Variants in FBXO46 observed in about 807,000 individuals in gnomAD.
FBXO46 encodes the protein F-box protein 46.
A neutral mutation model predicts 30.7 loss-of-function variants in FBXO46; 13 were observed. That is an observed-to-expected ratio of 0.42 (90% CI 0.28 to 0.67). FBXO46 has a LOEUF of 0.67. Among genes scored for constraint, FBXO46 ranks in the 30% least tolerant of loss-of-function variants. The pLI is 0.21. For missense variants in FBXO46, 754 were observed against 871.5 expected (o/e 0.87, Z 1.70); for synonymous variants, 467 against 385.8 (o/e 1.21, Z -2.47).
intron 1 of FBXO46, among the ~76,000 whole-genome samples, chr19:45,721,553 CTTTTTTT>C (rs35101456): frequency 3.6e-5 from 4 of 110,770 alleles, no homozygotes; most frequent in African/African-American, 1.1e-4. Flanking sequence ...GGTCCTGTTC[CTTTTTTT>C]TTTTTTTTTT....
intron 1 of FBXO46, chr19:45,714,354 G>C (rs1260547157): frequency 6.6e-6 from 1 of 152,066 alleles, no homozygotes; most frequent in East Asian, 1.9e-4. Flanking sequence ...ATTCAGACAA[G>C]CACTTAAGAA....
intron 1 of FBXO46, chr19:45,715,399 G>A (rs1435307298): frequency 6.6e-6 from 1 of 152,184 alleles, no homozygotes; most frequent in Non-Finnish European, 1.5e-5. Flanking sequence ...TTCAACAGCA[G>A]AGCTGAATAG....
At position 45,712,473 on chromosome 19, in the gene FBXO46, G is replaced by T. The variant is rs1281190128; in HGVS notation, c.1023C>A (p.Pro341=). 1.2e-6 allele frequency: 2 copies of T among 1,608,376 alleles called. No homozygotes were observed. Among genetic ancestry groups the T allele is most frequent in the African/African-American group, 1.3e-5 (1 of 74,836 alleles). The change falls in exon 2 of 2, where the codon CCC becomes CCA. Residue 341 remains proline (P), a synonymous_variant. Transcript: ENST00000317683. The surrounding 1 kb of genome is among the most constrained non-coding windows in gnomAD (Gnocchi z 8.8). ...DEASEGDSPA[P]ARPEDTPPAP... ...CCGGGGGAGTGTCCTCAGGCCTGGC[G>T]GGTGCCGGGCTGTCACCCTCACTGG... is the stretch of plus-strand genomic sequence containing the variant.
intron 1 of FBXO46, among the ~76,000 whole-genome samples, chr19:45,727,356 G>A (rs1286709298): frequency 2.6e-5 from 4 of 151,972 alleles, no homozygotes; most frequent in African/African-American, 7.3e-5. Context: ...TCAGGAGTTC[G>A]AGACCAGCCT....
intron 1 of FBXO46, among the ~76,000 whole-genome samples, chr19:45,722,961 G>A (rs1968194044): frequency 6.6e-6 from 1 of 152,142 alleles, no homozygotes; most frequent in Non-Finnish European, 1.5e-5. Flanking sequence ...GGCAAAGGCA[G>A]GAGAATCGCT....
rs186070302 is a variant in FBXO46, at chr19:45,726,356, C to A, written c.-79+4493G>T. ...GCAAGACTCCATCTAACAACAACAA[C>A]AAAAAAAATGGCTGGGCACGGTGGC... is the stretch of plus-strand genomic sequence containing the variant. On this transcript the variant is annotated intron_variant, in intron 1 of 1. Coordinates refer to ENST00000317683, the MANE Select transcript of FBXO46 (RefSeq NM_001080469.2). Among the ~76,000 whole-genome samples, 1,282 of 151,376 alleles carry A rather than the reference C, an allele frequency of 8.5e-3. 8 individuals are homozygous for A. The highest frequency in any genetic ancestry group is 0.012 in the Non-Finnish European group (788 of 67,818).
At chr19:45,728,482 C>T (rs966173581) in intron 1 of FBXO46, among the ~76,000 whole-genome samples, 2 of 152,144 alleles carry the variant, frequency 1.3e-5, no homozygotes, top group Non-Finnish European at 2.9e-5. Context: ...CTTCCCGAAA[C>T]TTCTCACCTT....
rs750359081 is a variant in FBXO46, at chr19:45,712,190, C to T, written c.1306G>A (p.Asp436Asn). The change falls in exon 2 of 2, where the codon GAT (aspartate) becomes AAT (asparagine). Residue 436 changes from aspartate to asparagine, a missense_variant. Asp to Asn is a conservative substitution (Grantham distance 23). Around this residue, in one of 5 missense-constraint regions of FBXO46, gnomAD observed 162 missense variants for 258.7 expected, o/e 0.63. Transcript: ENST00000317683. This position sits in a 1 kb window ranked among gnomAD's most constrained non-coding sequence, Gnocchi z 8.8. ...DSPATAPGPD[D>N]AEGTADTSLC... is the part of the protein sequence containing the mutation. The stretch of plus-strand genomic sequence containing the variant: ...GAGGTGTCCGCCGTGCCCTCGGCAT[C>T]GTCTGGGCCGGGCGCAGTGGCCGGG... The T allele has an allele frequency of 2.5e-6, 4 of 1,603,526 alleles. No homozygotes were observed. The highest frequency in any genetic ancestry group is 3.4e-6 in the Non-Finnish European group (4 of 1,175,764).
chr19:45,720,131 T>G (rs1968149682), intron 1 of FBXO46, among the ~76,000 whole-genome samples: 1 of 144,930 alleles, frequency 6.9e-6, no homozygotes, highest in African/African-American at 2.6e-5. Context: ...TTCTTTTTTG[T>G]TTTTTTTTTT....
upstream of FBXO46, among the ~76,000 whole-genome samples, chr19:45,731,560 C>A (rs1374720106): frequency 6.6e-6 from 1 of 151,762 alleles, no homozygotes; most frequent in Non-Finnish European, 1.5e-5. Flanking sequence ...CATGATCCAC[C>A]CGCCTCGGCC....
upstream of FBXO46, chr19:45,730,955 C>T (rs1478128357): frequency 6.6e-6 from 1 of 152,260 alleles, no homozygotes; most frequent in Non-Finnish European, 1.5e-5. Context: ...GAATTGAAGT[C>T]CGGGCAGCCA....
chr19:45,713,352 A>G lies in FBXO46; in HGVS notation c.144T>C (p.His48=). ...GTGTGTTCTCTGAGTGGGCAGGCCC[A>G]TGGTCTGGCTCGGCCCCGCCACCAG... is the stretch of plus-strand genomic sequence containing the variant. ...PEPGGGAEPD[H]GPAHSENTPP... Residue 48 remains histidine, a synonymous_variant, in exon 2 of 2, where the codon CAT becomes CAC. Transcript: ENST00000317683. This position sits in a 1 kb window ranked among gnomAD's most constrained non-coding sequence, Gnocchi z 4.7. The G allele has an allele frequency of 1.9e-6, 3 of 1,612,812 alleles. No homozygotes were observed. Among genetic ancestry groups the G allele is most frequent in the Non-Finnish European group, 2.5e-6 (3 of 1,179,310 alleles).
chr19:45,717,381 T>C (rs564186780), intron 1 of FBXO46: 4 of 152,284 alleles, frequency 2.6e-5, no homozygotes, highest in African/African-American at 7.2e-5. Flanking sequence ...GACTAGCAAC[T>C]AGCTTCCCTC....
At chr19:45,725,369 A>AGT (rs1205225696) in intron 1 of FBXO46, among the ~76,000 whole-genome samples, 1 of 151,136 alleles carries the variant, frequency 6.6e-6, no homozygotes, top group Non-Finnish European at 1.5e-5. Context: ...GAGCCAAGAT[A>AGT]GTGCCACTGC....
intron 1 of FBXO46, among the ~76,000 whole-genome samples, chr19:45,720,529 A>G (rs753314200): frequency 6.6e-6 from 1 of 152,110 alleles, no homozygotes; most frequent in Non-Finnish European, 1.5e-5. Context: ...TCAGCCTCCC[A>G]AAGTGCTAGG....
At chr19:45,728,565 G>A (rs1251370361) in intron 1 of FBXO46, among the ~76,000 whole-genome samples, 1 of 152,286 alleles carries the variant, frequency 6.6e-6, no homozygotes, top group African/African-American at 2.4e-5. Flanking sequence ...GCCAGGCGTG[G>A]TGGCTCACGC....
intron 1 of FBXO46, among the ~76,000 whole-genome samples, chr19:45,722,537 C>T (rs1457376630): frequency 2.6e-5 from 4 of 151,980 alleles, no homozygotes; most frequent in Non-Finnish European, 4.4e-5. Flanking sequence ...CCCAGGCAGG[C>T]GGATCACAAG....
intron 1 of FBXO46, among the ~76,000 whole-genome samples, chr19:45,718,135 ACTC>A (rs1968125484): frequency 6.6e-6 from 1 of 150,532 alleles, no homozygotes; most frequent in Non-Finnish European, 1.5e-5. Flanking sequence ...ATCCCTCCCC[ACTC>A]CTCCGCCCCG....
chr19:45,712,011 G>A lies in FBXO46; in HGVS notation c.1485C>T (p.Ala495=), dbSNP rs768197332. 6 of 1,612,346 alleles carry A rather than the reference G, an allele frequency of 3.7e-6. No homozygotes were observed. The Admixed American group carries it at 6.7e-5, about 18-fold the overall frequency. ...FSFLPTRALA[A]LKCTCHHFKG... is the part of the protein sequence containing the mutation. ...TGAAGTGGTGGCAGGTGCACTTGAG[G>A]GCGGCCAGCGCGCGCGTGGGCAGGA... Residue 495 remains alanine, a synonymous_variant, in exon 2 of 2, where the codon GCC becomes GCT. Transcript: ENST00000317683. The surrounding 1 kb of genome is among the most constrained non-coding windows in gnomAD (Gnocchi z 8.8).
Sources: allele counts gnomAD v4.1 joint callset (sites outside exome capture counted in the v4.1 genomes callset), GRCh38; gene constraint gnomAD v4.1.1; regional missense constraint gnomAD v4.1.1; non-coding constraint Gnocchi (gnomAD v3.1); transcripts MANE v1.5; gene names NCBI Gene and HGNC (gene_info 2026-07-23, HGNC 2026-07-21).